The following HHIPL2 variants were observed in gnomAD, a reference collection of about 807,000 sequenced individuals.
HHIPL2 encodes the protein HHIP like 2, also known as HHIP-like protein 2.
In HHIPL2, 61 loss-of-function variants were observed where a neutral mutation model predicts 61.0. The ratio of observed to expected loss-of-function variants is 1.00; its 90% CI spans 0.81 to 1.24. HHIPL2 has a LOEUF of 1.24. HHIPL2 is among the 50% of genes most tolerant of loss of function. The probability of loss-of-function intolerance (pLI) is 0.00; values close to 1 mark genes in which losing one functional copy is unlikely to be tolerated. For missense variants in HHIPL2, 885 were observed against 910.2 expected (o/e 0.97, Z 0.36); for synonymous variants, 343 against 357.4 (o/e 0.96, Z 0.45).
chr1:222,530,421 G>T (rs911647305), intron 6 of HHIPL2, among the ~76,000 whole-genome samples: 1 of 152,174 alleles, frequency 6.6e-6, no homozygotes, highest in African/African-American at 2.4e-5. Context: ...CCATCATCCT[G>T]CCAGCCTGTG....
At chr1:222,534,175 A>G (rs147317829) in intron 5 of HHIPL2, among the ~76,000 whole-genome samples, 89 of 152,344 alleles carry the variant, frequency 5.8e-4, no homozygotes, top group African/African-American at 1.9e-3. Context: ...AAGTAACTTA[A>G]CTATGTCTCC....
chr1:222,526,681 G>A (rs1659073480), intron 7 of HHIPL2, among the ~76,000 whole-genome samples: 2 of 145,556 alleles, frequency 1.4e-5, no homozygotes, highest in South Asian at 4.4e-4. Context: ...CTCCAGCCTG[G>A]GCAACAAGAG....
In HHIPL2 at chr1:222,543,827, G is replaced by A; in HGVS notation, c.684C>T (p.Gly228=). Residue 228 remains glycine, a synonymous_variant, in exon 2 of 9, where the codon GGC becomes GGT. Coordinates refer to ENST00000343410, the MANE Select transcript of HHIPL2 (RefSeq NM_024746.4). ...NPVSMVHAGD[G]THRFFVAEQV... ...GCTCGGCAACAAAGAAGCGATGGGT[G>A]CCGTCCCCAGCATGGACCATGGAGA... The A allele has an allele frequency of 6.2e-7, 1 of 1,614,150 alleles. No individual in the cohort carries two copies. Among genetic ancestry groups the A allele is most frequent in the African/African-American group, 1.3e-5 (1 of 75,024 alleles).
chr1:222,537,080 T>A (rs964777978), intron 5 of HHIPL2, among the ~76,000 whole-genome samples: 3 of 151,994 alleles, frequency 2.0e-5, no homozygotes, highest in Admixed American at 2.0e-4. Context: ...TATGACCAAG[T>A]GGTATTTTCC....
chr1:222,542,836 A>G (rs987814211), intron 2 of HHIPL2, among the ~76,000 whole-genome samples: 1 of 151,860 alleles, frequency 6.6e-6, no homozygotes, highest in African/African-American at 2.4e-5. Flanking sequence ...TTTTTCTTTC[A>G]TACCATGATT....
chr1:222,538,818 T>G, intron 4 of HHIPL2, 44 bp from the exon 5 acceptor site: 1 of 1,607,146 alleles, frequency 6.2e-7, no homozygotes, highest in Non-Finnish European at 8.5e-7. Flanking sequence ...TGGCCTAAAA[T>G]TGAAAGCTTC....
In HHIPL2 at chr1:222,547,989, CA is replaced by C; in HGVS notation, c.55del (p.Trp19GlyfsTer73). ...LCGGLHCRAP[W>X]LSSGILCLCL... is the part of the protein sequence containing the mutation. ...GAGGCAGAGAATGCCAGAAGAGAGC[CA>C]GGGGGCCCGGCAATGCAGACCACCA... On this transcript the variant is annotated frameshift_variant, in exon 1 of 9. Coordinates refer to ENST00000343410, the MANE Select transcript of HHIPL2 (RefSeq NM_024746.4). LOFTEE classifies it high-confidence loss of function. 1 of 1,607,960 alleles carries C rather than the reference CA, an allele frequency of 6.2e-7. No homozygotes were observed. The highest frequency in any genetic ancestry group is 8.5e-7 in the Non-Finnish European group (1 of 1,176,026).
Position 222,538,214 on chromosome 1 carries a change from G to GTA in HHIPL2, c.1577+433_1577+434insTA, listed in dbSNP as rs1180944162. Among the ~76,000 whole-genome samples, 925 of 114,554 alleles carry GTA rather than the reference G, an allele frequency of 8.1e-3. 10 individuals are homozygous for GTA. The highest frequency in any genetic ancestry group is 0.038 in the African/African-American group (856 of 22,770). 75.2% of individuals were successfully genotyped at this position (114,554 alleles called of 152,430 possible). On this transcript the variant is annotated intron_variant, in intron 5 of 8. Coordinates refer to ENST00000343410, the MANE Select transcript of HHIPL2 (RefSeq NM_024746.4). ...GGCTGGGGTGTGTGTGTGTGTGTGTGTGTGTGTGTGTGTGTGTGTGTGTGT... is the reference window on the plus strand; with the variant it reads ...GGCTGGGGTGTGTGTGTGTGTGTGTGTATGTGTGTGTGTGTGTGTGTGTGTGT...
Position 222,547,843 on chromosome 1 carries a change from C to G in HHIPL2, c.202G>C (p.Gly68Arg), listed in dbSNP as rs370180398. ...LEFCSDYESF[G>R]CCDQHKDRRI... ...CGGTCCTTGTGCTGATCACAGCAGCCGAAGGACTCATAGTCAGAGCAAAAC... is the reference window on the plus strand; with the variant it reads ...CGGTCCTTGTGCTGATCACAGCAGCGGAAGGACTCATAGTCAGAGCAAAAC... The change falls in exon 1 of 9, where the codon GGC becomes CGC. Residue 68 changes from glycine to arginine, a missense_variant. By Grantham distance (125) the Gly-to-Arg change is moderately radical. Coordinates refer to ENST00000343410, the MANE Select transcript of HHIPL2 (RefSeq NM_024746.4). 6.2e-7 allele frequency: 1 copy of G among 1,614,118 alleles called. No homozygotes were observed. The highest frequency in any genetic ancestry group is 2.2e-5 in the East Asian group (1 of 44,876).
intron 1 of HHIPL2, among the ~76,000 whole-genome samples, chr1:222,544,520 T>A (rs1659516057): frequency 6.6e-6 from 1 of 152,206 alleles, no homozygotes; most frequent in Non-Finnish European, 1.5e-5. Flanking sequence ...TCTTATTTTT[T>A]AATTTTCATT....
intron 4 of HHIPL2, 102 bp from the exon 5 acceptor site, chr1:222,538,876 GAACA>G: frequency 1.6e-6 from 2 of 1,228,210 alleles, no homozygotes; most frequent in Non-Finnish European, 2.3e-6. Flanking sequence ...ATTCAGTAAA[GAACA>G]CTTTACCTCT....
intron 6 of HHIPL2, among the ~76,000 whole-genome samples, chr1:222,531,564 A>T (rs928860379): frequency 4.6e-5 from 7 of 152,138 alleles, no homozygotes; most frequent in African/African-American, 1.7e-4. Context: ...CACGGCCAAC[A>T]CGGCAAAACC....
chr1:222,545,724 G>A (rs926597393), intron 1 of HHIPL2, among the ~76,000 whole-genome samples: 1 of 151,986 alleles, frequency 6.6e-6, no homozygotes, highest in African/African-American at 2.4e-5. Flanking sequence ...TCAAAGGGAA[G>A]AAAATCAAAG....
chr1:222,523,393 A>G (rs1658995656), intron 8 of HHIPL2, among the ~76,000 whole-genome samples: 1 of 152,222 alleles, frequency 6.6e-6, no homozygotes, highest in Non-Finnish European at 1.5e-5. Context: ...GAATGAATCA[A>G]CAAACGAATG....
At position 222,526,973 on chromosome 1, in the gene HHIPL2, A is replaced by T. The variant is rs1659080626; in HGVS notation, c.1801T>A (p.Ser601Thr). 1 of 1,612,128 alleles carries T rather than the reference A, an allele frequency of 6.2e-7. No homozygotes were observed. The highest frequency in any genetic ancestry group is 8.5e-7 in the Non-Finnish European group (1 of 1,178,686). ...RGSIYKFVDP[S>T]RRAPPGKCKY... The stretch of plus-strand genomic sequence containing the variant: ...GAAAATGACATCAAATCTCACCTTG[A>T]GGGGTCAACAAACTTGTAAATAGAT... Residue 601 changes from serine (S) to threonine (T), a missense_variant, in exon 7 of 9, where the codon TCA becomes ACA. Coordinates refer to ENST00000343410, the MANE Select transcript of HHIPL2 (RefSeq NM_024746.4).
intron 3 of HHIPL2, among the ~76,000 whole-genome samples, 188 bp from the exon 4 acceptor site, chr1:222,540,529 AAATCTATAC>A (rs1453852053): frequency 6.6e-6 from 1 of 152,204 alleles, no homozygotes; most frequent in Non-Finnish European, 1.5e-5. Context: ...ATTTTCTTTT[AAATCTATAC>A]AAGATATTTA....
Position 222,522,846 on chromosome 1 carries a change from CAGCTT to C in HHIPL2, c.1925_1929del (p.Lys642SerfsTer2), listed in dbSNP as rs1558124836. 6.2e-7 allele frequency: 1 copy of C among 1,614,188 alleles called. No individual in the cohort carries two copies. Among genetic ancestry groups the C allele is most frequent in the Non-Finnish European group, 8.5e-7 (1 of 1,180,030 alleles). ...AAGGTTGCACTGGAAGATTTTCTAG[CAGCTT>C]TCTCTGATTGTTCCTTTAGCAAGTC... On this transcript the variant is annotated frameshift_variant, in exon 9 of 9. Transcript: ENST00000343410. LOFTEE classifies it low-confidence loss of function (END_TRUNC).
At chr1:222,539,682 T>G (rs1413699327) in intron 4 of HHIPL2, among the ~76,000 whole-genome samples, 1 of 152,214 alleles carries the variant, frequency 6.6e-6, no homozygotes, top group East Asian at 1.9e-4. Context: ...CCAGTGGTTC[T>G]CAAAATAATA....
intron 6 of HHIPL2, among the ~76,000 whole-genome samples, chr1:222,531,481 C>T (rs1344164920): frequency 1.3e-5 from 2 of 152,230 alleles, no homozygotes. Flanking sequence ...GGCGCGGTGG[C>T]TCACGCCTGT....
Sources: gnomAD v4.1 joint callset for allele counts (sites outside exome capture counted in the v4.1 genomes callset) on GRCh38, gnomAD v4.1.1 for gene constraint, MANE v1.5 for transcripts, NCBI Gene and HGNC (gene_info 2026-07-23, HGNC 2026-07-21) for gene names.